The following LIMS1 variants were observed in gnomAD, a reference collection of about 807,000 sequenced individuals.
LIMS1 encodes LIM and senescent cell antigen-like-containing domain protein 1.
A neutral mutation model predicts 44.1 loss-of-function variants in LIMS1; 18 were observed. That is an observed-to-expected ratio of 0.41 (90% confidence interval 0.28 to 0.61). LIMS1 has a LOEUF of 0.61. Among genes scored for constraint, LIMS1 ranks in the 20% least tolerant of loss-of-function variants. The pLI is 0.32. For missense variants in LIMS1, 201 were observed against 422.0 expected, an observed-to-expected ratio of 0.48 and a Z score of 4.59; for synonymous variants, 93 against 149.1, an observed-to-expected ratio of 0.62 and a Z score of 2.74.
intron 1 of LIMS1, among the ~76,000 whole-genome samples, chr2:108,626,088 A>C (rs574847984): frequency 3.9e-4 from 60 of 152,368 alleles, no homozygotes; most frequent in African/African-American, 1.4e-3. Context: ...CTTGATTCAA[A>C]TAAGTTAGTG....
intron 1 of LIMS1, among the ~76,000 whole-genome samples, chr2:108,565,766 A>C (rs1206662769): frequency 6.6e-6 from 1 of 152,136 alleles, no homozygotes; most frequent in African/African-American, 2.4e-5. Context: ...GGAAGTCCTA[A>C]ATGAAGGCAC....
intron 1 of LIMS1, among the ~76,000 whole-genome samples, chr2:108,589,452 C>G (rs1257535212): frequency 6.6e-6 from 1 of 152,080 alleles, no homozygotes; most frequent in East Asian, 1.9e-4. Context: ...TAATTTTGTA[C>G]CTGTTGACAA....
intron 1 of LIMS1, among the ~76,000 whole-genome samples, chr2:108,629,030 A>G (rs1489547849): frequency 6.6e-6 from 1 of 152,234 alleles, no homozygotes; most frequent in Non-Finnish European, 1.5e-5. Context: ...GTGCAATTCA[A>G]CAGAAACGTA....
intron 1 of LIMS1, among the ~76,000 whole-genome samples, chr2:108,597,529 G>A (rs376872981): frequency 7.2e-5 from 11 of 152,272 alleles, no homozygotes; most frequent in African/African-American, 2.6e-4. Context: ...CTTTCCGGCA[G>A]GTTGCCATTG....
Position 108,534,597 on chromosome 2 carries a change from A to G in LIMS1, c.32+3A>G, listed in dbSNP as rs994975287. 19 of 1,141,972 alleles carry G rather than the reference A, an allele frequency of 1.7e-5. No individual in the cohort carries two copies. Among genetic ancestry groups the G allele is most frequent in the Middle Eastern group, 7.4e-4 (2 of 2,696 alleles). 70.7% of individuals were successfully genotyped at this position (1,141,972 alleles called of 1,614,324 possible). A position where few individuals can be genotyped will look rare whatever the true frequency, so the allele number is the denominator to read the frequency against. ...GTGGCGGCCGGGATGACCCACAGGTACGGGCCGCACCGCGCGGCCCCCGCC... is the reference window on the plus strand; with the variant it reads ...GTGGCGGCCGGGATGACCCACAGGTGCGGGCCGCACCGCGCGGCCCCCGCC... On this transcript the variant is annotated splice_donor_region_variant and intron_variant, in intron 1 of 9. Transcript: ENST00000544547.
intron 1 of LIMS1, among the ~76,000 whole-genome samples, chr2:108,538,571 G>T (rs1373866582): frequency 6.6e-6 from 1 of 152,192 alleles, no homozygotes; most frequent in African/African-American, 2.4e-5. Context: ...GGATGTCTGA[G>T]TAGCAGGCAA....
intron 1 of LIMS1, among the ~76,000 whole-genome samples, chr2:108,535,762 A>G (rs1030041285): frequency 3.3e-5 from 5 of 152,276 alleles, no homozygotes; most frequent in African/African-American, 4.8e-5. Flanking sequence ...AATATTGTCA[A>G]TTGTTTTCCT....
chr2:108,653,935 G>A (rs1690674126), intron 1 of LIMS1, among the ~76,000 whole-genome samples: 1 of 135,150 alleles, frequency 7.4e-6, no homozygotes, highest in Non-Finnish European at 1.6e-5. Flanking sequence ...ACACAATTGT[G>A]TCTGGCTCAG....
At position 108,541,792 on chromosome 2, in the gene LIMS1, C is replaced by T. The variant is rs191426278; in HGVS notation, c.32+7198C>T. Among the ~76,000 whole-genome samples, 233 of 152,198 alleles carry T rather than the reference C, an allele frequency of 1.5e-3. 7 individuals carry two copies. Among genetic ancestry groups the T allele is most frequent in the Admixed American group, 0.013 (205 of 15,278 alleles). On this transcript the variant is annotated intron_variant, in intron 1 of 9. Coordinates refer to ENST00000544547, the Ensembl canonical transcript of LIMS1. ...TTCTTGGCAGCTGGAACAAAATTGC[C>T]GCTTCTCTCATAAAATAACGAATTC...
At chr2:108,662,233 G>A (rs779919235) in intron 2 of LIMS1, 117 of 1,611,892 alleles carry the variant, frequency 7.3e-5, no homozygotes, top group Non-Finnish European at 9.3e-5. Flanking sequence ...ACTTAGGAAC[G>A]AACATGATGG....
At chr2:108,538,344 A>G (rs1469032219) in intron 1 of LIMS1, among the ~76,000 whole-genome samples, 2 of 152,220 alleles carry the variant, frequency 1.3e-5, no homozygotes, top group Admixed American at 1.3e-4. Context: ...ATTTTCCTGC[A>G]TCTTTTTTCA....
chr2:108,564,041 CA>C (rs201454363), intron 1 of LIMS1, among the ~76,000 whole-genome samples: 15,875 of 92,308 alleles, frequency 0.17, 1,059 homozygotes, highest in African/African-American at 0.33. Context: ...GACCCTGTCT[CA>C]AAAAAAAAAA....
chr2:108,645,071 A>G (rs1689968314), intron 1 of LIMS1, among the ~76,000 whole-genome samples: 1 of 152,200 alleles, frequency 6.6e-6, no homozygotes, highest in South Asian at 2.1e-4. Context: ...GTTGGAAAAC[A>G]TTCCTCAGGA....
At chr2:108,568,509 C>G (rs1413485948) in intron 1 of LIMS1, among the ~76,000 whole-genome samples, 1 of 152,212 alleles carries the variant, frequency 6.6e-6, no homozygotes, top group Non-Finnish European at 1.5e-5. Flanking sequence ...AATACCTCTT[C>G]AATACCCTGC....
chr2:108,558,109 T>G (rs1182821146), intron 1 of LIMS1, among the ~76,000 whole-genome samples: 1 of 152,230 alleles, frequency 6.6e-6, no homozygotes, highest in Non-Finnish European at 1.5e-5. Context: ...CCTGTTACAG[T>G]ATCTTTGAAA....
chr2:108,657,469 C>T (rs1369056349), intron 1 of LIMS1, among the ~76,000 whole-genome samples: 2 of 152,298 alleles, frequency 1.3e-5, no homozygotes, highest in Non-Finnish European at 2.9e-5. Context: ...TGAGAATGAC[C>T]AGGCAGATGT....
chr2:108,549,013 C>T (rs748438156), intron 1 of LIMS1, among the ~76,000 whole-genome samples: 1 of 152,092 alleles, frequency 6.6e-6, no homozygotes, highest in East Asian at 1.9e-4. Flanking sequence ...GAATATAGCA[C>T]TTTTCTACAA....
At chr2:108,568,755 A>AT (rs1244228401) in intron 1 of LIMS1, among the ~76,000 whole-genome samples, 5 of 152,074 alleles carry the variant, frequency 3.3e-5, no homozygotes, top group Admixed American at 2.6e-4. Context: ...TTTCATTGTG[A>AT]TTTTGATTTG....
At chr2:108,662,446 G>C in intron 2 of LIMS1, 1 of 1,387,208 alleles carries the variant, frequency 7.2e-7, no homozygotes, top group Non-Finnish European at 9.6e-7. Flanking sequence ...TCTGTGTGCT[G>C]TTATTCCAAA....
Sources: gnomAD v4.1 joint callset for allele counts (sites outside exome capture counted in the v4.1 genomes callset) on GRCh38, gnomAD v4.1.1 for gene constraint, MANE v1.5 for transcripts, NCBI Gene and HGNC (gene_info 2026-07-23, HGNC 2026-07-21) for gene names.